The following NAB1 variants were observed in gnomAD, a reference collection of about 807,000 sequenced individuals.
NAB1 encodes NGFI-A binding protein 1, also known as NGFI-A-binding protein 1.
Under a neutral mutation model 49.9 loss-of-function variants are expected in NAB1, and 25 were observed. The observed-to-expected ratio is 0.50, with a 90% confidence interval of 0.37 to 0.70. NAB1 has a LOEUF of 0.70. NAB1 is among the 30% of genes least tolerant of loss of function. The pLI, the probability that NAB1 is intolerant of heterozygous loss-of-function variation, is 0.00. For synonymous variants in NAB1, 198 were observed against 215.6 expected, an observed-to-expected ratio of 0.92 and a Z score of 0.71; for missense variants, 489 against 575.9, an observed-to-expected ratio of 0.85 and a Z score of 1.54.
chr2:190,691,883 A>G lies in NAB1; in HGVS notation c.*1550A>G, dbSNP rs1260388499. 6.6e-6 allele frequency: 1 copy of G among 152,412 alleles called. No individual in the cohort carries two copies. The highest frequency in any genetic ancestry group is 1.5e-5 in the Non-Finnish European group (1 of 68,014). 9.4% of individuals were successfully genotyped at this position (152,412 alleles called of 1,614,324 possible). On this transcript the variant is annotated 3_prime_UTR_variant, in exon 10 of 10. Transcript: ENST00000337386. This position sits in a 1 kb window ranked among gnomAD's most constrained non-coding sequence, Gnocchi z 4.1. Reference sequence around the variant, plus strand: ...TGAAATGTCTGCACTGTAGTCTCAGATCACTGTCACGTATATAAATTGCTT... The same window carrying G: ...TGAAATGTCTGCACTGTAGTCTCAGGTCACTGTCACGTATATAAATTGCTT...
In NAB1 at chr2:190,666,639, G is replaced by A. The variant is rs564631501; in HGVS notation, c.820-3687G>A. Among the ~76,000 whole-genome samples, 6 of 152,214 alleles carry A rather than the reference G, an allele frequency of 3.9e-5. No individual in the cohort carries two copies. The highest frequency in any genetic ancestry group is 9.6e-5 in the African/African-American group (4 of 41,514). ...CAGGAGAATCGCTTGAACCCGGGGCGCTGAGGTTGCGCCACTGCATTCCAG... is the reference window on the plus strand; with the variant it reads ...CAGGAGAATCGCTTGAACCCGGGGCACTGAGGTTGCGCCACTGCATTCCAG... On this transcript the variant is annotated intron_variant, in intron 4 of 9. Transcript: ENST00000337386. The surrounding 1 kb of genome is among the most constrained non-coding windows in gnomAD (Gnocchi z 5.6).
chr2:190,660,027 G>C (rs1268126619), intron 4 of NAB1, 32 bp downstream of exon 4: 5 of 1,566,638 alleles, frequency 3.2e-6, no homozygotes, highest in Non-Finnish European at 4.4e-6. Context: ...TTCTGTGTGT[G>C]TATGTGGCAT....
chr2:190,665,335 A>AG (rs1309955028), intron 4 of NAB1, among the ~76,000 whole-genome samples: 2 of 151,960 alleles, frequency 1.3e-5, no homozygotes, highest in Non-Finnish European at 2.9e-5. Flanking sequence ...AAAAAAAAAA[A>AG]AAGTTAGTGG....
Position 190,675,710 on chromosome 2 carries a change from A to G in NAB1, c.1005+2558A>G, listed in dbSNP as rs377232728. On this transcript the variant is annotated intron_variant, in intron 6 of 9. Coordinates refer to ENST00000337386, the MANE Select transcript of NAB1 (RefSeq NM_005966.4). The surrounding 1 kb of genome is among the most constrained non-coding windows in gnomAD (Gnocchi z 5.2). ...TGCTTTTATAGACACTAGACTTTTG[A>G]TTTTGTTTCCCAGAAATAAGTAGTA... Among the ~76,000 whole-genome samples, 633 of 152,214 alleles carry G rather than the reference A, an allele frequency of 4.2e-3. 11 individuals carry two copies. In the East Asian group the frequency reaches 0.046, roughly 11 times the overall value.
rs1042218187 is a variant in NAB1, at chr2:190,680,608, G to A, written c.1006-3130G>A. On this transcript the variant is annotated intron_variant, in intron 6 of 9. Coordinates refer to ENST00000337386, the MANE Select transcript of NAB1 (RefSeq NM_005966.4). This position sits in a 1 kb window ranked among gnomAD's most constrained non-coding sequence, Gnocchi z 5.2. The stretch of plus-strand genomic sequence containing the variant: ...GTGTATGAATCAGCTGGGTGGATGC[G>A]ACATTTTTGTTGAATGTATAAACAC... 2.0e-5 allele frequency among the ~76,000 whole-genome samples: 3 copies of A among 152,152 alleles called. No individual in the cohort carries two copies. Among genetic ancestry groups the A allele is most frequent in the African/African-American group, 7.2e-5 (3 of 41,428 alleles).
Position 190,649,917 on chromosome 2 carries a change from T to G in NAB1, c.-262T>G, listed in dbSNP as rs1225603157. On this transcript the variant is annotated 5_prime_UTR_variant, in exon 2 of 10. Transcript: ENST00000337386. The surrounding 1 kb of genome is among the most constrained non-coding windows in gnomAD (Gnocchi z 6.1). ...GAGGTGCAGGGAAGCCAGAAACTCT[T>G]TGTGTCTCTAAGGCCGATGAGGAAT... The G allele has an allele frequency of 1.3e-5, 2 of 152,234 alleles. No homozygotes were observed. Among genetic ancestry groups the G allele is most frequent in the Non-Finnish European group, 2.9e-5 (2 of 68,068 alleles). 9.4% of individuals were successfully genotyped at this position (152,234 alleles called of 1,614,324 possible). A position where few individuals can be genotyped will look rare whatever the true frequency, so the allele number is the denominator to read the frequency against.
In NAB1 at chr2:190,663,903, G is replaced by GT. The variant is rs1338334525; in HGVS notation, c.819+3909dup. The stretch of plus-strand genomic sequence containing the variant: ...AGTGTTTCTTTATTTCCAAATATGA[G>GT]TAATTTTTTTTCCTTATTTTTCCTA... On this transcript the variant is annotated intron_variant, in intron 4 of 9. Coordinates refer to ENST00000337386, the MANE Select transcript of NAB1 (RefSeq NM_005966.4). The surrounding 1 kb of genome is among the most constrained non-coding windows in gnomAD (Gnocchi z 4.2). Among the ~76,000 whole-genome samples, 1 of 152,040 alleles carries GT rather than the reference G, an allele frequency of 6.6e-6. No homozygotes were observed. The highest frequency in any genetic ancestry group is 1.5e-5 in the Non-Finnish European group (1 of 68,018).
intron 4 of NAB1, among the ~76,000 whole-genome samples, chr2:190,664,049 A>G (rs1429195679): frequency 6.6e-6 from 1 of 152,146 alleles, no homozygotes; most frequent in African/African-American, 2.4e-5. Context: ...TTACGTTTGG[A>G]AACGATATCT....
Position 190,680,201 on chromosome 2 carries a change from C to T in NAB1, c.1006-3537C>T, listed in dbSNP as rs1468752580. On this transcript the variant is annotated intron_variant, in intron 6 of 9. Transcript: ENST00000337386. This position sits in a 1 kb window ranked among gnomAD's most constrained non-coding sequence, Gnocchi z 5.2. ...TGATGGGCTTTCTGAAATGCAAATC[C>T]GATCAGTCTCTTCCCTGAGACTTTC... Among the ~76,000 whole-genome samples the T allele has an allele frequency of 2.0e-5, 3 of 152,156 alleles. No homozygotes were observed. The highest frequency in any genetic ancestry group is 4.4e-5 in the Non-Finnish European group (3 of 68,026).
rs1489659809 is a variant in NAB1 at position 190,669,033 on chromosome 2, A to G, written c.820-1293A>G. 1.3e-5 allele frequency among the ~76,000 whole-genome samples: 2 copies of G among 152,198 alleles called. No homozygotes were observed. The highest frequency in any genetic ancestry group is 3.2e-3 in the Middle Eastern group (1 of 316). On this transcript the variant is annotated intron_variant, in intron 4 of 9. Coordinates refer to ENST00000337386, the MANE Select transcript of NAB1 (RefSeq NM_005966.4). This position sits in a 1 kb window ranked among gnomAD's most constrained non-coding sequence, Gnocchi z 4.3. ...GGCCATTGTTGAGTCAAATAAGGGTAACTGGAATATGAGCACTGAGATATC... is the reference window on the plus strand; with the variant it reads ...GGCCATTGTTGAGTCAAATAAGGGTGACTGGAATATGAGCACTGAGATATC...
rs116822789 is a variant in NAB1 at position 190,682,368 on chromosome 2, G to A, written c.1006-1370G>A. On this transcript the variant is annotated intron_variant, in intron 6 of 9. Coordinates refer to ENST00000337386, the MANE Select transcript of NAB1 (RefSeq NM_005966.4). This position sits in a 1 kb window ranked among gnomAD's most constrained non-coding sequence, Gnocchi z 4.1. Reference sequence around the variant, plus strand: ...TTCAGAAAGGTTAAGTTACTCATCCGGTGGTCACATAGCTAGTGAGTGGTG... The same window carrying A: ...TTCAGAAAGGTTAAGTTACTCATCCAGTGGTCACATAGCTAGTGAGTGGTG... 2.6e-3 allele frequency among the ~76,000 whole-genome samples: 397 copies of A among 152,232 alleles called. 1 individual carries two copies. The highest frequency in any genetic ancestry group is 8.5e-3 in the African/African-American group (352 of 41,536).
At chr2:190,671,769 C>CTTTTTTTTTT (rs1177937369) in intron 5 of NAB1, among the ~76,000 whole-genome samples, 3 of 71,722 alleles carry the variant, frequency 4.2e-5, no homozygotes, top group Non-Finnish European at 7.3e-5. Context: ...TTCACCTTTC[C>CTTTTTTTTTT]TTTTTTTTTT....
chr2:190,680,559 CGTT>C lies in NAB1; in HGVS notation c.1006-3176_1006-3174del, dbSNP rs1695286451. Reference sequence around the variant, plus strand: ...CCTGAGGCATGGCCATCTTGTTTGACGTTGTATTCCCATATTGAGTACAGTGTA... The same window carrying C: ...CCTGAGGCATGGCCATCTTGTTTGACGTATTCCCATATTGAGTACAGTGTA... On this transcript the variant is annotated intron_variant, in intron 6 of 9. Transcript: ENST00000337386. This position sits in a 1 kb window ranked among gnomAD's most constrained non-coding sequence, Gnocchi z 5.2. Among the ~76,000 whole-genome samples, 1 of 152,206 alleles carries C rather than the reference CGTT, an allele frequency of 6.6e-6. No individual in the cohort carries two copies. The highest frequency in any genetic ancestry group is 2.4e-5 in the African/African-American group (1 of 41,450).
rs899377715 is a variant in NAB1 at position 190,679,387 on chromosome 2, T to G, written c.1006-4351T>G. ...ATGTGCTCAGTTGCAGAGAGATCAC[T>G]GATTACTTTGGATAATTGTTATTTA... is the stretch of plus-strand genomic sequence containing the variant. On this transcript the variant is annotated intron_variant, in intron 6 of 9. Transcript: ENST00000337386. The surrounding 1 kb of genome is among the most constrained non-coding windows in gnomAD (Gnocchi z 5.3). 6.6e-6 allele frequency among the ~76,000 whole-genome samples: 1 copy of G among 152,252 alleles called. No individual in the cohort carries two copies. Among genetic ancestry groups the G allele is most frequent in the Admixed American group, 6.5e-5 (1 of 15,292 alleles).
At chr2:190,688,246 C>T (rs1695719100) in intron 9 of NAB1, among the ~76,000 whole-genome samples, 1 of 152,134 alleles carries the variant, frequency 6.6e-6, no homozygotes, top group Admixed American at 6.5e-5. Flanking sequence ...GTTTTACAAG[C>T]ATTAGGATTA....
In NAB1 at chr2:190,676,857, G is replaced by A. The variant is rs1029502640; in HGVS notation, c.1005+3705G>A. The A allele has an allele frequency of 1.3e-5, 2 of 152,058 alleles. No homozygotes were observed. Among genetic ancestry groups the A allele is most frequent in the South Asian group, 4.1e-4 (2 of 4,826 alleles). The allele number at this position is 152,058 out of a possible 1,614,324, so 9.4% of individuals were successfully genotyped here. ...TAACAATAAGCATATGTGCCACATT[G>A]CTGGCTTTTTCCATCTTAAAAACAT... is the stretch of plus-strand genomic sequence containing the variant. On this transcript the variant is annotated intron_variant, in intron 6 of 9. Transcript: ENST00000337386. The surrounding 1 kb of genome is among the most constrained non-coding windows in gnomAD (Gnocchi z 4.6).
rs1438116392 is a variant in NAB1 at position 190,659,387 on chromosome 2, G to A, written c.211G>A (p.Ala71Thr). Residue 71 changes from alanine to threonine, a missense_variant, in exon 4 of 10, where the codon GCT becomes ACT. Ala to Thr is a moderately conservative substitution (Grantham distance 58). Transcript: ENST00000337386. The surrounding 1 kb of genome is among the most constrained non-coding windows in gnomAD (Gnocchi z 6.2). ...KPLHVRRLQK[A>T]LRDWVTNPGL... ...CCTTCATGTTAGAAGGCTGCAGAAG[G>A]CTTTGAGAGACTGGGTCACAAACCC... 4 of 1,614,052 alleles carry A rather than the reference G, an allele frequency of 2.5e-6. No individual in the cohort carries two copies. The African/African-American group carries it at 5.3e-5, about 22-fold the overall frequency.
rs1694573211 is a variant in NAB1, at chr2:190,667,311, C to G, written c.820-3015C>G. On this transcript the variant is annotated intron_variant, in intron 4 of 9. Coordinates refer to ENST00000337386, the MANE Select transcript of NAB1 (RefSeq NM_005966.4). The surrounding 1 kb of genome is among the most constrained non-coding windows in gnomAD (Gnocchi z 4.4). Reference sequence around the variant, plus strand: ...TAAGCTAGTACCTCTGAAATGTTGTCAGTTAAAACATCTTACTGAAAATCA... The same window carrying G: ...TAAGCTAGTACCTCTGAAATGTTGTGAGTTAAAACATCTTACTGAAAATCA... 6.6e-6 allele frequency among the ~76,000 whole-genome samples: 1 copy of G among 152,158 alleles called. No homozygotes were observed. Among genetic ancestry groups the G allele is most frequent in the Non-Finnish European group, 1.5e-5 (1 of 68,022 alleles).
Position 190,678,621 on chromosome 2 carries a change from A to G in NAB1, c.1006-5117A>G, listed in dbSNP as rs746962631. ...GTTAATAGAGCCCAGGAAGTCAGAG[A>G]ACTGGGGCTTGAAGAAGAAAGACCT... On this transcript the variant is annotated intron_variant, in intron 6 of 9. Transcript: ENST00000337386. The surrounding 1 kb of genome is among the most constrained non-coding windows in gnomAD (Gnocchi z 4.9). 1.3e-5 allele frequency among the ~76,000 whole-genome samples: 2 copies of G among 151,900 alleles called. No individual in the cohort carries two copies. The highest frequency in any genetic ancestry group is 2.9e-5 in the Non-Finnish European group (2 of 67,982).
Sources: gnomAD v4.1 joint callset for allele counts (sites outside exome capture counted in the v4.1 genomes callset) on GRCh38, gnomAD v4.1.1 for gene constraint, Gnocchi (gnomAD v3.1) non-coding constraint, MANE v1.5 for transcripts, NCBI Gene and HGNC (gene_info 2026-07-23, HGNC 2026-07-21) for gene names.